Variants in CECR2 observed in about 807,000 individuals in gnomAD.
CECR2 encodes the protein CECR2 histone acetyl-lysine reader.
A neutral mutation model predicts 154.5 loss-of-function variants in CECR2; 30 were observed. The observed-to-expected ratio is 0.19, with a 90% CI of 0.15 to 0.26. The LOEUF is 0.26. CECR2 is among the 10% of genes least tolerant of loss of function. CECR2 has a pLI of 1.00. For missense variants in CECR2, 1,743 were observed against 1,829.3 expected (o/e 0.95, Z 0.86); for synonymous variants, 725 against 683.7 (o/e 1.06, Z -0.94).
At chr22:17,528,937 TAA>T (rs2056308213) in intron 9 of CECR2, among the ~76,000 whole-genome samples, 1 of 152,024 alleles carries the variant, frequency 6.6e-6, no homozygotes, top group African/African-American at 2.4e-5. Context: ...GGTTTACAGG[TAA>T]AGAGTGACAT....
intron 1 of CECR2, among the ~76,000 whole-genome samples, chr22:17,401,832 C>T (rs2053897355): frequency 7.2e-6 from 1 of 138,254 alleles, no homozygotes; most frequent in Non-Finnish European, 1.5e-5. Context: ...TTTAACACCC[C>T]CCCCCGCCCC....
At chr22:17,428,803 T>TGTGTGTGTGG (rs2146628013) in intron 1 of CECR2, among the ~76,000 whole-genome samples, 1 of 147,038 alleles carries the variant, frequency 6.8e-6, no homozygotes, top group East Asian at 2.2e-4. Context: ...TTTATTTGTG[T>TGTGTGTGTGG]GTGTGTGTGT....
At chr22:17,478,167 A>G (rs2055242134) in intron 2 of CECR2, among the ~76,000 whole-genome samples, 1 of 151,796 alleles carries the variant, frequency 6.6e-6, no homozygotes, top group Non-Finnish European at 1.5e-5. Flanking sequence ...TCCTGATAGG[A>G]CCTCTTGTTT....
chr22:17,394,332 G>A (rs76149161), intron 1 of CECR2, among the ~76,000 whole-genome samples: 8,059 of 151,340 alleles, frequency 0.053, 341 homozygotes, highest in African/African-American at 0.12. Context: ...CCTCCTGAGT[G>A]GGTGGGAGTA....
At chr22:17,375,960 TAA>T (rs879827682) in intron 1 of CECR2, among the ~76,000 whole-genome samples, 5 of 134,514 alleles carry the variant, frequency 3.7e-5, no homozygotes, top group Admixed American at 7.4e-5. Flanking sequence ...GACTCTTATC[TAA>T]AAAAAAAAAA....
chr22:17,417,274 G>T (rs2054170578), intron 1 of CECR2, among the ~76,000 whole-genome samples: 1 of 152,140 alleles, frequency 6.6e-6, no homozygotes, highest in South Asian at 2.1e-4. Flanking sequence ...GCTGTACTTA[G>T]TGAAACTAAT....
At position 17,557,906 on chromosome 22, in the gene CECR2, T is replaced by A. The variant is rs980446214; in HGVS notation, c.*5066T>A. The A allele has an allele frequency of 6.6e-6, 1 of 152,204 alleles. No individual in the cohort carries two copies. The highest frequency in any genetic ancestry group is 2.4e-5 in the African/African-American group (1 of 41,440). The allele number at this position is 152,204 out of a possible 1,614,324, so 9.4% of individuals were successfully genotyped here. ...GCTCCTGCTGCAAAAGCAGAAACCATGTGAACCTTCTGGCCAGTACTGGAA... is the reference window on the plus strand; with the variant it reads ...GCTCCTGCTGCAAAAGCAGAAACCAAGTGAACCTTCTGGCCAGTACTGGAA... On this transcript the variant is annotated 3_prime_UTR_variant, in exon 19 of 19. Coordinates refer to ENST00000262608, the MANE Select transcript of CECR2 (RefSeq NM_001290047.2).
chr22:17,479,525 G>A (rs2055268587), intron 2 of CECR2, among the ~76,000 whole-genome samples: 1 of 152,166 alleles, frequency 6.6e-6, no homozygotes, highest in Admixed American at 6.5e-5. Flanking sequence ...TGTGAACTGA[G>A]CCTTCACATA....
intron 1 of CECR2, among the ~76,000 whole-genome samples, chr22:17,423,121 C>G (rs1057372239): frequency 2.0e-5 from 3 of 152,046 alleles, no homozygotes; most frequent in African/African-American, 7.2e-5. Context: ...GTGAAGTAGG[C>G]CTTTAGCAAT....
chr22:17,410,140 C>T (rs1381218490), intron 1 of CECR2, among the ~76,000 whole-genome samples: 3 of 151,906 alleles, frequency 2.0e-5, no homozygotes, highest in South Asian at 4.2e-4. Flanking sequence ...CACCACCACA[C>T]CCAGCTAGTT....
rs552347405 is a variant in CECR2 at position 17,384,331 on chromosome 22, A to G, written c.126+14422A>G. Among the ~76,000 whole-genome samples, 170 of 152,244 alleles carry G rather than the reference A, an allele frequency of 1.1e-3. 1 individual carries two copies. Among genetic ancestry groups the G allele is most frequent in the Non-Finnish European group, 2.1e-3 (142 of 68,012 alleles). On this transcript the variant is annotated intron_variant, in intron 1 of 18. Coordinates refer to ENST00000262608, the MANE Select transcript of CECR2 (RefSeq NM_001290047.2). ...CTTCCTGGCCTCACGCAGTTCTCCC[A>G]TCTTGGCCTCCTAAAGTGTTAGGAT... is the stretch of plus-strand genomic sequence containing the variant.
intron 18 of CECR2, 61 bp from the exon 19 acceptor site, chr22:17,552,774 G>GTTTTTTTT (rs695569): frequency 0.07 from 64,901 of 921,760 alleles, 543 homozygotes; most frequent in East Asian, 0.11. Context: ...GCTTACTTAA[G>GTTTTTTTT]TTTTTTTTTT....
In CECR2 at chr22:17,553,057, T is replaced by A. The variant is rs2056733452; in HGVS notation, c.*217T>A. On this transcript the variant is annotated 3_prime_UTR_variant, in exon 19 of 19. Transcript: ENST00000262608. Reference sequence around the variant, plus strand: ...GATTGCAAAGGTCCTCGGCCAGGGATCTCTTGCACAGCTGATGTAGACAGT... The same window carrying A: ...GATTGCAAAGGTCCTCGGCCAGGGAACTCTTGCACAGCTGATGTAGACAGT... 8.9e-7 allele frequency: 1 copy of A among 1,121,120 alleles called. No individual in the cohort carries two copies. The highest frequency in any genetic ancestry group is 1.2e-6 in the Non-Finnish European group (1 of 855,580). 69.4% of individuals were successfully genotyped at this position (1,121,120 alleles called of 1,614,324 possible).
chr22:17,530,384 AAAAAT>A (rs2056335846), intron 9 of CECR2, among the ~76,000 whole-genome samples: 2 of 151,962 alleles, frequency 1.3e-5, no homozygotes, highest in African/African-American at 4.8e-5. Context: ...TTAAGAAAAA[AAAAAT>A]AAGGCCAGGC....
At chr22:17,472,639 T>G (rs183373299) in intron 1 of CECR2, among the ~76,000 whole-genome samples, 1 of 152,326 alleles carries the variant, frequency 6.6e-6, no homozygotes, top group East Asian at 1.9e-4. Context: ...ATGGCAGTAG[T>G]ACAGATCTGT....
chr22:17,450,794 G>T (rs774690488), intron 1 of CECR2, among the ~76,000 whole-genome samples: 1 of 152,166 alleles, frequency 6.6e-6, no homozygotes, highest in Admixed American at 6.5e-5. Context: ...AAAAACCTTA[G>T]TCTTCCTAGC....
rs1225660635 is a variant in CECR2, at chr22:17,553,974, A to G, written c.*1134A>G. ...TGTATTCTATAGATTTACAGTTTGA[A>G]TTTAGGAATATTTCAGTATATATAG... On this transcript the variant is annotated 3_prime_UTR_variant, in exon 19 of 19. Coordinates refer to ENST00000262608, the MANE Select transcript of CECR2 (RefSeq NM_001290047.2). The G allele has an allele frequency of 6.6e-6, 1 of 152,234 alleles. No homozygotes were observed. Among genetic ancestry groups the G allele is most frequent in the Non-Finnish European group, 1.5e-5 (1 of 68,038 alleles). The allele number at this position is 152,234 out of a possible 1,614,324, so 9.4% of individuals were successfully genotyped here.
At chr22:17,491,497 T>C (rs1395741546) in intron 2 of CECR2, among the ~76,000 whole-genome samples, 2 of 151,476 alleles carry the variant, frequency 1.3e-5, no homozygotes, top group Non-Finnish European at 2.9e-5. Flanking sequence ...GTTGGTCCTT[T>C]AATGCTTTCT....
intron 1 of CECR2, among the ~76,000 whole-genome samples, chr22:17,380,086 C>G (rs1220081808): frequency 6.6e-6 from 1 of 151,900 alleles, no homozygotes; most frequent in Non-Finnish European, 1.5e-5. Flanking sequence ...CTTCTACTCC[C>G]TTGTGCTCTA....
Sources: gnomAD v4.1 joint callset for allele counts (sites outside exome capture counted in the v4.1 genomes callset) on GRCh38, gnomAD v4.1.1 for gene constraint, MANE v1.5 for transcripts, NCBI Gene and HGNC (gene_info 2026-07-23, HGNC 2026-07-21) for gene names.